Variants in SRGAP2 observed in about 807,000 individuals in gnomAD.
SRGAP2 encodes the protein SLIT-ROBO Rho GTPase-activating protein 2.
A neutral mutation model predicts 57.2 loss-of-function variants in SRGAP2; 15 were observed. That is an observed-to-expected ratio of 0.26 (90% CI 0.18 to 0.40). The LOEUF (loss-of-function observed/expected upper bound fraction) is 0.40, where lower values mean the gene tolerates loss of function less well. Ranked by LOEUF, SRGAP2 falls within the 10% of genes least tolerant of loss-of-function variation. The probability of loss-of-function intolerance (pLI) is 1.00; values close to 1 mark genes in which losing one functional copy is unlikely to be tolerated. For synonymous variants in SRGAP2, 249 were observed against 248.0 expected, an observed-to-expected ratio of 1.00 and a Z score of -0.04; for missense variants, 520 against 669.6, an observed-to-expected ratio of 0.78 and a Z score of 2.47.
At chr1:206,389,493 A>G (rs1218796277) in intron 5 of SRGAP2, among the ~76,000 whole-genome samples, 7 of 151,862 alleles carry the variant, frequency 4.6e-5, no homozygotes, top group Non-Finnish European at 8.8e-5. Flanking sequence ...CAGACTTTCA[A>G]TAGCTTATTT....
At chr1:206,238,689 T>C (rs1668027413) in intron 2 of SRGAP2, among the ~76,000 whole-genome samples, 1 of 150,052 alleles carries the variant, frequency 6.7e-6, no homozygotes, top group South Asian at 2.1e-4. Context: ...GGGTAGGTCC[T>C]CTCTTAATTG....
chr1:206,305,591 T>C (rs1420312821), intron 3 of SRGAP2, among the ~76,000 whole-genome samples: 5 of 151,914 alleles, frequency 3.3e-5, no homozygotes, highest in African/African-American at 1.2e-4. Context: ...CTGAGTGGAC[T>C]GTATAAGTTA....
chr1:206,372,957 TTTCTTTCC>T (rs1291621275), intron 4 of SRGAP2, among the ~76,000 whole-genome samples: 1 of 3,116 alleles, frequency 3.2e-4, no homozygotes, highest in African/African-American at 2.6e-3. Flanking sequence ...CTTTCTTTCT[TTTCTTTCC>T]TTTCTTTCTT....
chr1:206,268,079 ATATTTTTTTTTTT>A (rs1472946643), intron 2 of SRGAP2, among the ~76,000 whole-genome samples: 1 of 143,302 alleles, frequency 7.0e-6, no homozygotes. Context: ...CTATATATAT[ATATTTTTTTTTTT>A]TTTTAAATTA....
At position 206,453,391 on chromosome 1, in the gene SRGAP2, C is replaced by T; in HGVS notation, c.2360+11C>T. The stretch of plus-strand genomic sequence containing the variant: ...CGTGGTCCAAGACACGTACGTTGGG[C>T]CCATGGCATCTTTGGGGGTGGTCCC... On this transcript the variant is annotated intron_variant, in intron 20 of 22. Transcript: ENST00000573034. 1 of 627,124 alleles carries T rather than the reference C, an allele frequency of 1.6e-6. No individual in the cohort carries two copies. The highest frequency in any genetic ancestry group is 1.9e-5 in the South Asian group (1 of 53,036). The allele number at this position is 627,124 out of a possible 1,614,324, so 38.8% of individuals were successfully genotyped here.
At chr1:206,283,856 T>G (rs1426933514) in intron 2 of SRGAP2, among the ~76,000 whole-genome samples, 2 of 140,688 alleles carry the variant, frequency 1.4e-5, no homozygotes, top group African/African-American at 5.3e-5. Flanking sequence ...CTTTAAAATT[T>G]AATAGCGTCC....
At chr1:206,205,003 C>T (rs1180029422) in intron 1 of SRGAP2, 3 of 151,856 alleles carry the variant, frequency 2.0e-5, no homozygotes, top group Non-Finnish European at 4.4e-5. Context: ...AAGTTGTGCC[C>T]TGGTGGCTTA....
At chr1:206,355,131 C>T (rs1180937591) in intron 4 of SRGAP2, among the ~76,000 whole-genome samples, 5 of 152,026 alleles carry the variant, frequency 3.3e-5, no homozygotes, top group African/African-American at 1.2e-4. Context: ...TTGTCCAAGC[C>T]AGTATCTAAT....
At chr1:206,459,611 G>A (rs1268915581) in intron 22 of SRGAP2, among the ~76,000 whole-genome samples, 4 of 151,988 alleles carry the variant, frequency 2.6e-5, no homozygotes, top group African/African-American at 7.3e-5. Context: ...CTAAAAATCC[G>A]ACTACCGGGG....
At chr1:206,309,152 T>G (rs1672434840) in intron 3 of SRGAP2, among the ~76,000 whole-genome samples, 5 of 138,842 alleles carry the variant, frequency 3.6e-5, no homozygotes, top group East Asian at 2.0e-4. Flanking sequence ...GGTGACAGAG[T>G]GAGACCCTGT....
chr1:206,318,768 A>C (rs1200784408), intron 3 of SRGAP2, among the ~76,000 whole-genome samples: 2 of 152,074 alleles, frequency 1.3e-5, no homozygotes, highest in African/African-American at 4.8e-5. Context: ...GAACAACCAG[A>C]TCTCTTGTGA....
chr1:206,324,549 C>T (rs1673725330), intron 3 of SRGAP2, among the ~76,000 whole-genome samples: 1 of 151,994 alleles, frequency 6.6e-6, no homozygotes, highest in Admixed American at 6.5e-5. Flanking sequence ...AGATATTCTT[C>T]TATTGACTTT....
chr1:206,318,537 CA>C, intron 3 of SRGAP2, among the ~76,000 whole-genome samples: 1 of 152,202 alleles, frequency 6.6e-6, no homozygotes, highest in Non-Finnish European at 1.5e-5. Flanking sequence ...TGTATTAGGC[CA>C]TTTTTTGCGA....
At chr1:206,240,235 T>C (rs1553308865) in intron 2 of SRGAP2, among the ~76,000 whole-genome samples, 1 of 140,014 alleles carries the variant, frequency 7.1e-6, no homozygotes, top group Non-Finnish European at 1.5e-5. Flanking sequence ...CATTGCACTC[T>C]AGCCTGGGCA....
intron 20 of SRGAP2, 140 bp downstream of exon 20, chr1:206,453,520 T>G (rs1345507952): frequency 4.8e-6 from 2 of 418,862 alleles, no homozygotes; most frequent in African/African-American, 2.1e-5. Flanking sequence ...CACAGTTCCT[T>G]GAAGAGCACC....
In SRGAP2 at chr1:206,253,086, G is replaced by A. The variant is rs551575098; in HGVS notation, c.67+47049G>A. ...TTCCCAGCTGGTTACTTGAGTGGTG[G>A]TTACGGAGGGGCTGTTCTGGGGCTG... On this transcript the variant is annotated intron_variant, in intron 2 of 22. Coordinates refer to ENST00000573034, the MANE Select transcript of SRGAP2 (RefSeq NM_015326.5). Among the ~76,000 whole-genome samples the A allele has an allele frequency of 8.6e-5, 12 of 139,596 alleles. 1 individual carries two copies. The highest frequency in any genetic ancestry group is 1.5e-4 in the Non-Finnish European group (10 of 65,418). 91.6% of individuals were successfully genotyped at this position (139,596 alleles called of 152,430 possible).
At chr1:206,305,902 C>G (rs1389864413) in intron 3 of SRGAP2, among the ~76,000 whole-genome samples, 1 of 151,824 alleles carries the variant, frequency 6.6e-6, no homozygotes, top group Admixed American at 6.6e-5. Context: ...CTTATCTTTC[C>G]CAAGTCTTAT....
intron 4 of SRGAP2, among the ~76,000 whole-genome samples, chr1:206,373,019 T>G (rs1571987262): frequency 7.8e-6 from 1 of 127,548 alleles, no homozygotes; most frequent in Admixed American, 8.4e-5. Flanking sequence ...CTTTCTTTCT[T>G]TCTTTCTTTT....
intron 2 of SRGAP2, among the ~76,000 whole-genome samples, chr1:206,257,440 C>T (rs1215167160): frequency 1.1e-5 from 1 of 93,090 alleles, no homozygotes; most frequent in South Asian, 5.4e-4. Flanking sequence ...TGGGTTCAAG[C>T]GATCCTTGTG....
Sources: allele counts gnomAD v4.1 joint callset (sites outside exome capture counted in the v4.1 genomes callset), GRCh38; gene constraint gnomAD v4.1.1; transcripts MANE v1.5; gene names NCBI Gene and HGNC (gene_info 2026-07-23, HGNC 2026-07-21).